NFX1: variants seen among roughly 807,000 people sequenced by gnomAD.
The protein encoded by NFX1 is nuclear transcription factor, X-box binding 1.
In NFX1, 69 loss-of-function variants were observed where a neutral mutation model predicts 137.2. That is an observed-to-expected ratio of 0.50 (90% confidence interval 0.41 to 0.61). The LOEUF (loss-of-function observed/expected upper bound fraction) is 0.61. Ranked by LOEUF, NFX1 falls within the 20% of genes least tolerant of loss-of-function variation. The pLI is 0.00. For synonymous variants in NFX1, 495 were observed against 474.1 expected (o/e 1.04, Z -0.57); for missense variants, 1,167 against 1,391.0 (o/e 0.84, Z 2.56).
At chr9:33,366,298 C>T (rs1333716556) in intron 21 of NFX1, among the ~76,000 whole-genome samples, 1 of 152,120 alleles carries the variant, frequency 6.6e-6, no homozygotes, top group Non-Finnish European at 1.5e-5. Flanking sequence ...AGTCTTTAGT[C>T]ATTTTTGGGG....
chr9:33,320,418 T>G (rs1822343026), intron 9 of NFX1, among the ~76,000 whole-genome samples: 2 of 152,248 alleles, frequency 1.3e-5, no homozygotes, highest in Admixed American at 1.3e-4. Flanking sequence ...CTGCTGAGGT[T>G]TCTCAGACTG....
At chr9:33,335,577 C>G (rs1822973405) in intron 11 of NFX1, among the ~76,000 whole-genome samples, 1 of 152,060 alleles carries the variant, frequency 6.6e-6, no homozygotes, top group African/African-American at 2.4e-5. Context: ...CAGGGTCTCA[C>G]TTTGTTGACC....
chr9:33,302,252 AG>A (rs1378005747), intron 3 of NFX1, among the ~76,000 whole-genome samples: 2 of 152,026 alleles, frequency 1.3e-5, no homozygotes, highest in Admixed American at 6.6e-5. Flanking sequence ...TCTTTGTGTT[AG>A]GAGCATCCCA....
chr9:33,323,241 G>A (rs537514081), intron 9 of NFX1, among the ~76,000 whole-genome samples: 11 of 152,108 alleles, frequency 7.2e-5, no homozygotes, highest in Non-Finnish European at 1.2e-4. Context: ...AAATAGTCTA[G>A]CCAAGTCACA....
rs767320184 is a variant in NFX1 at position 33,294,948 on chromosome 9, A to AAT, written c.554_555insAT (p.Gly186TrpfsTer140). 6.2e-7 allele frequency: 1 copy of AAT among 1,614,196 alleles called. No individual in the cohort carries two copies. The highest frequency in any genetic ancestry group is 8.5e-7 in the Non-Finnish European group (1 of 1,180,032). ...AGCTATGGTAGAGGACCAAAAGTCA[A>AAT]GGGGAAACTCAAATGTGAATGGAGT... On this transcript the variant is annotated frameshift_variant, in exon 2 of 24. Coordinates refer to ENST00000379540, the MANE Select transcript of NFX1 (RefSeq NM_002504.6). LOFTEE classifies it high-confidence loss of function.
chr9:33,303,718 C>T (rs1587822109), intron 4 of NFX1, among the ~76,000 whole-genome samples: 1 of 152,200 alleles, frequency 6.6e-6, no homozygotes, highest in East Asian at 1.9e-4. Context: ...TGGCATCTTC[C>T]CTCTTTATGG....
chr9:33,337,985 G>A (rs1823071483), intron 11 of NFX1, among the ~76,000 whole-genome samples: 1 of 151,458 alleles, frequency 6.6e-6, no homozygotes, highest in African/African-American at 2.4e-5. Flanking sequence ...GGAGGTGGAG[G>A]TTGCAGTGAG....
At chr9:33,339,335 G>A (rs925197612) in intron 12 of NFX1, among the ~76,000 whole-genome samples, 4 of 152,164 alleles carry the variant, frequency 2.6e-5, no homozygotes, top group African/African-American at 9.7e-5. Flanking sequence ...ATGGATAGCA[G>A]CAGGCAGAGA....
chr9:33,338,455 T>C (rs1823094287), intron 11 of NFX1, 55 bp from the exon 12 acceptor site: 1 of 1,430,654 alleles, frequency 7.0e-7, no homozygotes, highest in Admixed American at 1.7e-5. Context: ...ATTTGTTGTA[T>C]GAATGTTCAT....
intron 15 of NFX1, among the ~76,000 whole-genome samples, chr9:33,349,255 A>G (rs1037999631): frequency 6.6e-5 from 10 of 152,186 alleles, no homozygotes; most frequent in African/African-American, 2.4e-4. Flanking sequence ...TTGGGTTAGG[A>G]GGCAGGCATG....
At chr9:33,364,933 A>G in intron 21 of NFX1, 159 bp downstream of exon 21, 1 of 1,447,496 alleles carries the variant, frequency 6.9e-7, no homozygotes. Context: ...CAGCCATTAT[A>G]ACATCTGTGG....
At chr9:33,365,951 G>A (rs1315697366) in intron 21 of NFX1, 2 of 152,330 alleles carry the variant, frequency 1.3e-5, no homozygotes, top group East Asian at 3.9e-4. Context: ...AAAGTCTTGA[G>A]TTTAGTCAGA....
rs1241440487 is a variant in NFX1 at position 33,369,817 on chromosome 9, G to C, written c.3291-89G>C. On this transcript the variant is annotated intron_variant, in intron 23 of 23. Coordinates refer to ENST00000379540, the MANE Select transcript of NFX1 (RefSeq NM_002504.6). ...AAATAAATGTTTAAGATTCACAAAT[G>C]GTAAATCAGCTGATCCTTAACTTTC... The C allele has an allele frequency of 2.2e-5, 20 of 890,174 alleles. No individual in the cohort carries two copies. The Admixed American group carries it at 3.4e-4, about 15-fold the overall frequency. 55.1% of individuals were successfully genotyped at this position (890,174 alleles called of 1,614,324 possible). A position where few individuals can be genotyped will look rare whatever the true frequency, so the allele number is the denominator to read the frequency against.
intron 11 of NFX1, among the ~76,000 whole-genome samples, chr9:33,337,668 AC>A (rs546150048): frequency 6.8e-4 from 104 of 152,338 alleles, no homozygotes; most frequent in African/African-American, 2.5e-3. Context: ...ATTCGAGGTT[AC>A]AGTGAGCTAT....
At chr9:33,325,348 A>G (rs1822541812) in intron 9 of NFX1, among the ~76,000 whole-genome samples, 1 of 152,176 alleles carries the variant, frequency 6.6e-6, no homozygotes, top group African/African-American at 2.4e-5. Context: ...CAGTAGGATG[A>G]CATATTCAAA....
At chr9:33,330,285 C>T (rs1822755992) in intron 10 of NFX1, among the ~76,000 whole-genome samples, 1 of 152,090 alleles carries the variant, frequency 6.6e-6, no homozygotes, top group Non-Finnish European at 1.5e-5. Context: ...CTGTTAAACA[C>T]AATGCAGGGT....
intron 5 of NFX1, among the ~76,000 whole-genome samples, chr9:33,308,020 G>T (rs2118286761): frequency 6.6e-6 from 1 of 152,008 alleles, no homozygotes; most frequent in Middle Eastern, 3.4e-3. Flanking sequence ...GCCCAGGTTG[G>T]TCTCGAACTC....
At chr9:33,306,567 T>C (rs1394300918) in intron 4 of NFX1, among the ~76,000 whole-genome samples, 2 of 152,142 alleles carry the variant, frequency 1.3e-5, no homozygotes, top group Admixed American at 1.3e-4. Flanking sequence ...TGCAATTTAG[T>C]GTGCAAATTG....
At position 33,347,077 on chromosome 9, in the gene NFX1, G is replaced by A; in HGVS notation, c.2384G>A (p.Cys795Tyr). Residue 795 changes from cysteine to tyrosine, a missense_variant, in exon 15 of 24, where the codon TGC becomes TAC. Coordinates refer to ENST00000379540, the MANE Select transcript of NFX1 (RefSeq NM_002504.6). Reference protein sequence around the residue: ...SCHSEEKCPPCTFLTQKWCMG... With the variant: ...SCHSEEKCPPYTFLTQKWCMG... ...CATAGTGAGGAGAAGTGTCCCCCTT[G>A]CACTTTCCTAACTCAGAAGTGGTGC... 4 of 1,613,534 alleles carry A rather than the reference G, an allele frequency of 2.5e-6. No homozygotes were observed. Among genetic ancestry groups the A allele is most frequent in the Non-Finnish European group, 3.4e-6 (4 of 1,179,584 alleles).
Sources: gnomAD v4.1 joint callset for allele counts (sites outside exome capture counted in the v4.1 genomes callset) on GRCh38, gnomAD v4.1.1 for gene constraint, MANE v1.5 for transcripts, NCBI Gene and HGNC (gene_info 2026-07-23, HGNC 2026-07-21) for gene names.